TACR2: variants seen among roughly 807,000 people sequenced by gnomAD.
TACR2 encodes the protein tachykinin receptor 2.
TACR2 carries 24 observed loss-of-function variants against 28.9 expected under a neutral mutation model. The observed-to-expected ratio is 0.83, with a 90% confidence interval of 0.60 to 1.17. TACR2 has a LOEUF of 1.17. Among genes scored for constraint, TACR2 ranks in the 50% most tolerant of loss-of-function variants. The pLI, the probability that TACR2 is intolerant of heterozygous loss-of-function variation, is 0.00. For synonymous variants in TACR2, 222 were observed against 212.6 expected (o/e 1.04, Z -0.38); for missense variants, 487 against 524.4 (o/e 0.93, Z 0.70).
At position 69,404,892 on chromosome 10, in the gene TACR2, C is replaced by T. The variant is rs1440057582; in HGVS notation, c.1131G>A (p.Gln377=). 6 of 1,613,324 alleles carry T rather than the reference C, an allele frequency of 3.7e-6. No individual in the cohort carries two copies. Among genetic ancestry groups the T allele is most frequent in the Non-Finnish European group, 5.1e-6 (6 of 1,179,580 alleles). The change falls in exon 5 of 5, where the codon CAG becomes CAA. Residue 377 remains glutamine, a synonymous_variant. Coordinates refer to ENST00000373306, the MANE Select transcript of TACR2 (RefSeq NM_001057.3). The stretch of plus-strand genomic sequence containing the variant: ...ACCCAAACCATAGCCCTGATCCATC[C>T]TGGGGACGCCCCGCCTCCCCACTGG... ...EATSGEAGRP[Q]DGSGLWFGYG...
At position 69,409,865 on chromosome 10, in the gene TACR2, GTA is replaced by G. The variant is rs755195281; in HGVS notation, c.588-792_588-791del. On this transcript the variant is annotated intron_variant, in intron 2 of 4. Transcript: ENST00000373306. The stretch of plus-strand genomic sequence containing the variant: ...CGTATACGTATATGTATATGTATAT[GTA>G]TATATATATATATACATATATACAT... Among the ~76,000 whole-genome samples the G allele has an allele frequency of 1.6e-3, 190 of 118,966 alleles. 1 individual carries two copies. The highest frequency in any genetic ancestry group is 5.1e-3 in the African/African-American group (161 of 31,814). The allele number at this position is 118,966 out of a possible 152,430, so 78.0% of individuals were successfully genotyped here.
rs148162885 is a variant in TACR2 at position 69,405,067 on chromosome 10, C to T, written c.956G>A (p.Arg319Gln). Residue 319 changes from arginine (R) to glutamine (Q), a missense_variant, in exon 5 of 5, where the codon CGG becomes CAG. Physicochemically the swap from Arg to Gln is conservative, Grantham distance 43. Transcript: ENST00000373306. ...CLNHRFRSGF[R>Q]LAFRCCPWVT... is the part of the protein sequence containing the mutation. ...CCATGGGCAGCAGCGGAAGGCAAGC[C>T]GGAATCCAGAGCGAAACCTGGGGGA... 17 of 1,613,722 alleles carry T rather than the reference C, an allele frequency of 1.1e-5. No homozygotes were observed. Among genetic ancestry groups the T allele is most frequent in the East Asian group, 8.9e-5 (4 of 44,866 alleles).
chr10:69,415,577 A>AT (rs934116727), intron 1 of TACR2, among the ~76,000 whole-genome samples: 2 of 152,220 alleles, frequency 1.3e-5, no homozygotes, highest in African/African-American at 4.8e-5. Flanking sequence ...ATAAAAAAAA[A>AT]ACTGTATAAG....
In TACR2 at chr10:69,404,683, CTTG is replaced by C. The variant is rs1222465385; in HGVS notation, c.*140_*142del. The stretch of plus-strand genomic sequence containing the variant: ...GAGGACACCACACTCTTTCTAACAA[CTTG>C]TTATTTTGGGAACTAGTCCATTCCC... On this transcript the variant is annotated 3_prime_UTR_variant, in exon 5 of 5. Coordinates refer to ENST00000373306, the MANE Select transcript of TACR2 (RefSeq NM_001057.3). 3.3e-5 allele frequency: 16 copies of C among 477,998 alleles called. No individual in the cohort carries two copies. Among genetic ancestry groups the C allele is most frequent in the African/African-American group, 2.0e-4 (10 of 50,376 alleles). 29.6% of individuals were successfully genotyped at this position (477,998 alleles called of 1,614,324 possible).
Position 69,405,084 on chromosome 10 carries a change from C to A in TACR2, c.939G>T (p.Arg313Ser), listed in dbSNP as rs773108402. ...NPIIYCCLNH[R>S]FRSGFRLAFR... Reference sequence around the variant, plus strand: ...AGGCAAGCCGGAATCCAGAGCGAAACCTGGGGGAGCGAGGGGCACCTTGAG... The same window carrying A: ...AGGCAAGCCGGAATCCAGAGCGAAAACTGGGGGAGCGAGGGGCACCTTGAG... The change falls in exon 5 of 5, where the codon AGG becomes AGT. Residue 313 changes from arginine (R) to serine (S), a missense_variant and splice_region_variant. Coordinates refer to ENST00000373306, the MANE Select transcript of TACR2 (RefSeq NM_001057.3). 4 of 1,612,998 alleles carry A rather than the reference C, an allele frequency of 2.5e-6. No individual in the cohort carries two copies. The highest frequency in any genetic ancestry group is 3.4e-6 in the Non-Finnish European group (4 of 1,179,202).
chr10:69,407,625 T>C (rs1414277045), intron 3 of TACR2, among the ~76,000 whole-genome samples: 1 of 152,182 alleles, frequency 6.6e-6, no homozygotes, highest in Non-Finnish European at 1.5e-5. Context: ...CTCTCTCTCC[T>C]AACCCCATCC....
In TACR2 at chr10:69,416,604, GT is replaced by G. The variant is rs1434430878; in HGVS notation, c.-282del. The G allele has an allele frequency of 2.6e-6, 1 of 377,460 alleles. No individual in the cohort carries two copies. The highest frequency in any genetic ancestry group is 4.7e-6 in the Non-Finnish European group (1 of 211,676). The allele number at this position is 377,460 out of a possible 1,614,324, so 23.4% of individuals were successfully genotyped here. On this transcript the variant is annotated 5_prime_UTR_variant, in exon 1 of 5. Coordinates refer to ENST00000373306, the MANE Select transcript of TACR2 (RefSeq NM_001057.3). The stretch of plus-strand genomic sequence containing the variant: ...GTGGAAACACAGAATTCAAATCACA[GT>G]GTCAGAGCAGAAAACACCCTTATAA...
rs1353995031 is a variant in TACR2, at chr10:69,408,967, A to G, written c.696T>C (p.His232=). The G allele has an allele frequency of 6.3e-7, 1 of 1,596,192 alleles. No homozygotes were observed. Among genetic ancestry groups the G allele is most frequent in the Non-Finnish European group, 8.5e-7 (1 of 1,174,548 alleles). Residue 232 remains histidine, a synonymous_variant, in exon 3 of 5, where the codon CAT becomes CAC. Coordinates refer to ENST00000373306, the MANE Select transcript of TACR2 (RefSeq NM_001057.3). ...GGCGCAGGTTGGCACCGTGCGCCTGATGTCCGGGCACTGCGCGCCTCCAGA... is the reference window on the plus strand; with the variant it reads ...GGCGCAGGTTGGCACCGTGCGCCTGGTGTCCGGGCACTGCGCGCCTCCAGA... ...LTLWRRAVPG[H]QAHGANLRHL... is the part of the protein sequence containing the mutation.
At chr10:69,413,757 T>C (rs1281163088) in intron 2 of TACR2, among the ~76,000 whole-genome samples, 1 of 152,156 alleles carries the variant, frequency 6.6e-6, no homozygotes, top group Non-Finnish European at 1.5e-5. Context: ...CCTCAGACCA[T>C]GCACACCCTC....
At chr10:69,413,131 G>A (rs12246405) in intron 2 of TACR2, among the ~76,000 whole-genome samples, 2,538 of 152,094 alleles carry the variant, frequency 0.017, 77 homozygotes, top group African/African-American at 0.058. Context: ...GGGTGTGTGC[G>A]CATGTTCCTG....
At chr10:69,415,203 T>C (rs1840603126) in intron 1 of TACR2, 64 bp from the exon 2 acceptor site, 1 of 1,517,056 alleles carries the variant, frequency 6.6e-7, no homozygotes, top group Admixed American at 1.9e-5. Context: ...CTTTCCCCTG[T>C]CTCCCTCTCT....
intron 4 of TACR2, 143 bp downstream of exon 4, chr10:69,406,941 C>T (rs186342669): frequency 1.8e-5 from 14 of 791,160 alleles, no homozygotes; most frequent in East Asian, 5.5e-5. Flanking sequence ...AGTGTGAGGA[C>T]GGCTTTCTCA....
chr10:69,409,930 TA>T (rs1388218287), intron 2 of TACR2, among the ~76,000 whole-genome samples: 2 of 95,252 alleles, frequency 2.1e-5, no homozygotes, highest in Non-Finnish European at 4.3e-5. Flanking sequence ...TATATATATA[TA>T]TATATATATA....
intron 3 of TACR2, among the ~76,000 whole-genome samples, chr10:69,408,580 T>C (rs901721708): frequency 2.6e-5 from 4 of 152,190 alleles, no homozygotes; most frequent in Admixed American, 6.5e-5. Context: ...GAGCTGGGAT[T>C]ACAGGCGTGA....
intron 2 of TACR2, 24 bp from the exon 3 acceptor site, chr10:69,409,099 G>C (rs1840537104): frequency 6.4e-7 from 1 of 1,557,054 alleles, no homozygotes; most frequent in East Asian, 2.5e-5. Context: ...CGAGGCCTGG[G>C]CAGCGGAGGG....
Position 69,416,093 on chromosome 10 carries a change from C to T in TACR2, c.231G>A (p.Leu77=), listed in dbSNP as rs750687700. The change falls in exon 1 of 5, where the codon CTG becomes CTA. Residue 77 remains leucine, a synonymous_variant. Coordinates refer to ENST00000373306, the MANE Select transcript of TACR2 (RefSeq NM_001057.3). ...VTNYFIVNLA[L]ADLCMAAFNA... The stretch of plus-strand genomic sequence containing the variant: ...TGAAGGCAGCCATGCAGAGGTCAGC[C>T]AGCGCCAGATTGACGATGAAGTAGT... The T allele has an allele frequency of 6.2e-7, 1 of 1,614,228 alleles. No homozygotes were observed. The highest frequency in any genetic ancestry group is 1.1e-5 in the South Asian group (1 of 91,082).
chr10:69,415,568 T>TA (rs111725024), intron 1 of TACR2, among the ~76,000 whole-genome samples: 7,358 of 147,752 alleles, frequency 0.05, 563 homozygotes, highest in African/African-American at 0.17. Context: ...TCCGGAATAA[T>TA]AAAAAAAAAA....
In TACR2 at chr10:69,405,023, C is replaced by T. The variant is rs1840489027; in HGVS notation, c.1000G>A (p.Asp334Asn). ...CCPWVTPTKE[D>N]KLELTPTTSL... ...GTCGTGGGAGTCAGCTCGAGCTTATCTTCCTTGGTGGGTGTGACCCATGGG... is the reference window on the plus strand; with the variant it reads ...GTCGTGGGAGTCAGCTCGAGCTTATTTTCCTTGGTGGGTGTGACCCATGGG... Residue 334 changes from aspartate (D) to asparagine (N), a missense_variant, in exon 5 of 5, where the codon GAT (aspartate) becomes AAT (asparagine). Coordinates refer to ENST00000373306, the MANE Select transcript of TACR2 (RefSeq NM_001057.3). 4 of 1,614,072 alleles carry T rather than the reference C, an allele frequency of 2.5e-6. No individual in the cohort carries two copies. The highest frequency in any genetic ancestry group is 1.7e-5 in the Admixed American group (1 of 60,004).
In TACR2 at chr10:69,415,126, C is replaced by T. The variant is rs574436938; in HGVS notation, c.406G>A (p.Val136Ile). Residue 136 changes from valine (V) to isoleucine (I), a missense_variant, in exon 2 of 5, where the codon GTC becomes ATC. Physicochemically the swap from Val to Ile is conservative, Grantham distance 29 (BLOSUM62 3). Coordinates refer to ENST00000373306, the MANE Select transcript of TACR2 (RefSeq NM_001057.3). ...GAAAGCCGAGGCTGGAAGGGGTGGA[C>T]GATGGCCATGTACCTGTGAGCAGAG... ...AIAADRYMAI[V>I]HPFQPRLSAP... 25 of 1,611,678 alleles carry T rather than the reference C, an allele frequency of 1.6e-5. No homozygotes were observed. The highest frequency in any genetic ancestry group is 2.2e-5 in the East Asian group (1 of 44,890).
Sources: gnomAD v4.1 joint callset for allele counts (sites outside exome capture counted in the v4.1 genomes callset) on GRCh38, gnomAD v4.1.1 for gene constraint, MANE v1.5 for transcripts, NCBI Gene and HGNC (gene_info 2026-07-23, HGNC 2026-07-21) for gene names.